Variants in PATJ observed in about 807,000 individuals in gnomAD.
The protein encoded by PATJ is PATJ crumbs cell polarity complex component.
Under a neutral mutation model 224.9 loss-of-function variants are expected in PATJ, and 190 were observed. That is an observed-to-expected ratio of 0.84 (90% CI 0.75 to 0.95). The LOEUF (loss-of-function observed/expected upper bound fraction) is 0.95, where lower values mean the gene tolerates loss of function less well. Among genes scored for constraint, PATJ ranks in the 40% least tolerant of loss-of-function variants. The pLI is 0.00. For missense variants in PATJ, 2,121 were observed against 2,270.3 expected (o/e 0.93, Z 1.34); for synonymous variants, 769 against 820.3 (o/e 0.94, Z 1.07).
At chr1:62,034,671 C>T (rs1650021968) in intron 29 of PATJ, among the ~76,000 whole-genome samples, 1 of 152,070 alleles carries the variant, frequency 6.6e-6, no homozygotes, top group Non-Finnish European at 1.5e-5. Context: ...GACCACTAAC[C>T]ATTAAGTAGA....
intron 31 of PATJ, among the ~76,000 whole-genome samples, chr1:62,059,204 G>A (rs1655016306): frequency 6.6e-6 from 1 of 152,144 alleles, no homozygotes; most frequent in African/African-American, 2.4e-5. Context: ...GGGTTGGCTG[G>A]CAGAGGGCCT....
In PATJ at chr1:61,820,678, T is replaced by C. The variant is rs149231179; in HGVS notation, c.1684-2267T>C. Among the ~76,000 whole-genome samples, 237 of 152,316 alleles carry C rather than the reference T, an allele frequency of 1.6e-3. 4 individuals carry two copies. In the East Asian group the frequency reaches 0.039, roughly 25 times the overall value. On this transcript the variant is annotated intron_variant, in intron 14 of 43. Coordinates refer to ENST00000642238, the MANE Select transcript of PATJ (RefSeq NM_001350145.3). Reference sequence around the variant, plus strand: ...TTATTAATTGTAACTTTATATGGTTTAATTTTAAATTGTTTAACAACTGGC... The same window carrying C: ...TTATTAATTGTAACTTTATATGGTTCAATTTTAAATTGTTTAACAACTGGC...
At chr1:61,748,470 G>C (rs535251467) in intron 1 of PATJ, among the ~76,000 whole-genome samples, 1 of 150,094 alleles carries the variant, frequency 6.7e-6, no homozygotes, top group East Asian at 2.0e-4. Flanking sequence ...TGGCCAGGCT[G>C]GTCTCGAACT....
chr1:61,747,356 G>GCCAGTAAACTT (rs575219056), intron 1 of PATJ, among the ~76,000 whole-genome samples: 40,238 of 151,884 alleles, frequency 0.26, 5,578 homozygotes, highest in East Asian at 0.39. Context: ...TTTTGTGTTC[G>GCCAGTAAACTT]TACAGCTGTC....
chr1:61,768,907 AAAAAT>A (rs1440539576), intron 4 of PATJ, among the ~76,000 whole-genome samples: 2 of 152,074 alleles, frequency 1.3e-5, no homozygotes, highest in Non-Finnish European at 2.9e-5. Flanking sequence ...CTCCAAGAAA[AAAAAT>A]AAAATAAAAA....
At chr1:61,776,475 GC>G (rs1249370753) in intron 7 of PATJ, among the ~76,000 whole-genome samples, 2 of 152,130 alleles carry the variant, frequency 1.3e-5, no homozygotes, top group Non-Finnish European at 2.9e-5. Context: ...GAAAAAAAAT[GC>G]CGTTTTACTT....
At chr1:61,821,615 G>C (rs772153789) in intron 14 of PATJ, among the ~76,000 whole-genome samples, 75 of 152,194 alleles carry the variant, frequency 4.9e-4, no homozygotes, top group Non-Finnish European at 7.5e-4. Flanking sequence ...GCAGAAGACT[G>C]AGGGAGGTGG....
At chr1:61,858,190 G>T (rs566581485) in intron 18 of PATJ, among the ~76,000 whole-genome samples, 1 of 152,124 alleles carries the variant, frequency 6.6e-6, no homozygotes, top group African/African-American at 2.4e-5. Flanking sequence ...AAGACAAAGT[G>T]GGGGCAGGCA....
chr1:61,924,293 G>T (rs1424618667), intron 26 of PATJ, among the ~76,000 whole-genome samples: 1 of 152,032 alleles, frequency 6.6e-6, no homozygotes, highest in African/African-American at 2.4e-5. Flanking sequence ...GCTTGAACCC[G>T]GGAGACAGAG....
At position 61,797,296 on chromosome 1, in the gene PATJ, G is replaced by A. The variant is rs375965301; in HGVS notation, c.1270G>A (p.Val424Met). ...VNDKIVAVDG[V>M]NIQGFANHDV... is the part of the protein sequence containing the mutation. ...TCTCTTGATGTTTTAGGTCGATGGC[G>A]TGAACATTCAGGGTTTTGCCAACCA... Residue 424 changes from valine to methionine, a missense_variant, in exon 11 of 44, where the codon GTG becomes ATG. Val to Met is a conservative substitution (Grantham distance 21). Transcript: ENST00000642238. 2.6e-5 allele frequency: 42 copies of A among 1,611,878 alleles called. No homozygotes were observed. The highest frequency in any genetic ancestry group is 2.1e-4 in the African/African-American group (16 of 74,906).
intron 31 of PATJ, among the ~76,000 whole-genome samples, chr1:62,066,913 T>A (rs1462968944): frequency 6.6e-6 from 1 of 152,054 alleles, no homozygotes; most frequent in East Asian, 1.9e-4. Context: ...ACAGGATCAG[T>A]TGAATCATGA....
intron 1 of PATJ, among the ~76,000 whole-genome samples, chr1:61,759,633 C>G (rs1470058112): frequency 2.6e-5 from 4 of 152,178 alleles, no homozygotes; most frequent in Non-Finnish European, 5.9e-5. Flanking sequence ...GTCTCGAGCT[C>G]CTGACCTCAA....
intron 43 of PATJ, 38 bp downstream of exon 43, chr1:62,153,519 T>C: frequency 1.7e-6 from 2 of 1,204,310 alleles, no homozygotes; most frequent in Non-Finnish European, 2.1e-6. Flanking sequence ...TTAAAAAAAT[T>C]AAACCTAGGT....
At chr1:61,957,594 G>T (rs1042108037) in intron 27 of PATJ, among the ~76,000 whole-genome samples, 1 of 152,070 alleles carries the variant, frequency 6.6e-6, no homozygotes, top group African/African-American at 2.4e-5. Context: ...TAGTTTCTTG[G>T]TCAAATAGGA....
At chr1:62,108,759 A>G (rs1187952242) in intron 34 of PATJ, among the ~76,000 whole-genome samples, 1 of 152,140 alleles carries the variant, frequency 6.6e-6, no homozygotes, top group South Asian at 2.1e-4. Context: ...AATAGAACTT[A>G]TGGGTCTATT....
At chr1:61,831,589 G>A (rs576489950) in intron 16 of PATJ, among the ~76,000 whole-genome samples, 2 of 152,240 alleles carry the variant, frequency 1.3e-5, no homozygotes, top group South Asian at 4.1e-4. Context: ...ATGCTTAATA[G>A]CACTGATCAT....
chr1:62,104,887 G>A (rs1246198065), intron 33 of PATJ, among the ~76,000 whole-genome samples: 2 of 152,046 alleles, frequency 1.3e-5, no homozygotes, highest in African/African-American at 4.8e-5. Context: ...GGCCAGGCTG[G>A]TCTCGAACTC....
chr1:62,073,695 A>G (rs2148700267), intron 31 of PATJ, among the ~76,000 whole-genome samples: 1 of 152,228 alleles, frequency 6.6e-6, no homozygotes, highest in East Asian at 1.9e-4. Flanking sequence ...TTGCACTTAA[A>G]TAAATTCTAT....
At chr1:61,957,129 T>C (rs1680549544) in intron 27 of PATJ, among the ~76,000 whole-genome samples, 1 of 152,208 alleles carries the variant, frequency 6.6e-6, no homozygotes, top group Admixed American at 6.5e-5. Flanking sequence ...TTAATAAACC[T>C]TATTTGAACT....
Sources: gnomAD v4.1 joint callset for allele counts (sites outside exome capture counted in the v4.1 genomes callset) on GRCh38, gnomAD v4.1.1 for gene constraint, MANE v1.5 for transcripts, NCBI Gene and HGNC (gene_info 2026-07-23, HGNC 2026-07-21) for gene names.